ABCA13: variants seen among roughly 807,000 people sequenced by gnomAD.
ABCA13 encodes the protein ATP binding cassette subfamily A member 13.
A neutral mutation model predicts 478.7 loss-of-function variants in ABCA13; 476 were observed. The ratio of observed to expected loss-of-function variants is 0.99; its 90% CI spans 0.92 to 1.07. The LOEUF is 1.07. ABCA13 is among the 50% of genes least tolerant of loss of function. ABCA13 has a pLI of 0.00. For missense variants in ABCA13, 6,060 were observed against 5,910.6 expected (o/e 1.03, Z -0.83); for synonymous variants, 2,252 against 2,158.9 (o/e 1.04, Z -1.20).
At chr7:48,479,924 A>G (rs538693122) in intron 45 of ABCA13, among the ~76,000 whole-genome samples, 49 of 152,302 alleles carry the variant, frequency 3.2e-4, no homozygotes, top group Non-Finnish European at 5.4e-4. Flanking sequence ...CATTTTGCAA[A>G]TAAGCAGACA....
chr7:48,411,396 G>T (rs1047058211), intron 40 of ABCA13, among the ~76,000 whole-genome samples: 46 of 150,406 alleles, frequency 3.1e-4, no homozygotes, highest in African/African-American at 1.1e-3. Context: ...GCAACCTCCC[G>T]TTCCAGGTTC....
chr7:48,281,490 T>C (rs1414754873), intron 19 of ABCA13, 38 bp downstream of exon 19: 3 of 1,534,920 alleles, frequency 2.0e-6, no homozygotes, highest in Non-Finnish European at 2.7e-6. Context: ...GCAATTGCCC[T>C]GTGCCAGTTT....
chr7:48,193,352 T>C (rs2128896510), intron 2 of ABCA13, among the ~76,000 whole-genome samples: 1 of 152,186 alleles, frequency 6.6e-6, no homozygotes, highest in African/African-American at 2.4e-5. Flanking sequence ...GGAGAAGAAG[T>C]AGAAGTGGGA....
intron 58 of ABCA13, chr7:48,611,835 A>C (rs1792055550): frequency 6.6e-6 from 1 of 152,244 alleles, no homozygotes; most frequent in African/African-American, 2.4e-5. Context: ...GTGACTTAAC[A>C]TTCTACCTCT....
At chr7:48,597,020 T>C (rs187763680) in intron 58 of ABCA13, among the ~76,000 whole-genome samples, 88 of 151,522 alleles carry the variant, frequency 5.8e-4, no homozygotes, top group Middle Eastern at 3.4e-3. Flanking sequence ...GGCACGATCT[T>C]GGCTCACTGC....
rs1795456481 is a variant in ABCA13 at position 48,646,690 on chromosome 7, T to G, written c.*1178T>G. On this transcript the variant is annotated 3_prime_UTR_variant, in exon 62 of 62. Transcript: ENST00000435803. ...ACACATCGCCACACCCGGCTAATTT[T>G]TAGTATTTTTAGTAGAGACGGGGTT... 1 of 152,134 alleles carries G rather than the reference T, an allele frequency of 6.6e-6. No individual in the cohort carries two copies. The highest frequency in any genetic ancestry group is 1.5e-5 in the Non-Finnish European group (1 of 68,086). 9.4% of individuals were successfully genotyped at this position (152,134 alleles called of 1,614,324 possible).
intron 3 of ABCA13, among the ~76,000 whole-genome samples, chr7:48,216,314 G>A (rs1043698644): frequency 3.9e-5 from 6 of 152,078 alleles, no homozygotes; most frequent in African/African-American, 1.4e-4. Context: ...ATCCCATTGT[G>A]ATTTTGATTT....
intron 45 of ABCA13, among the ~76,000 whole-genome samples, chr7:48,472,807 G>T (rs900234769): frequency 1.3e-5 from 2 of 152,146 alleles, no homozygotes; most frequent in East Asian, 3.9e-4. Flanking sequence ...TAGTGTACAT[G>T]CAGGTCCTTA....
intron 41 of ABCA13, among the ~76,000 whole-genome samples, chr7:48,419,558 C>G (rs944293072): frequency 5.3e-5 from 8 of 152,064 alleles, no homozygotes; most frequent in African/African-American, 1.4e-4. Context: ...CATGCCTCTG[C>G]AATTTTTTAA....
At position 48,645,552 on chromosome 7, in the gene ABCA13, C is replaced by G; in HGVS notation, c.*40C>G. ...TCCATAAGGAATAAAACCTTGTCTT[C>G]CATTACAATTAACAGTCAAGGATAA... On this transcript the variant is annotated 3_prime_UTR_variant, in exon 62 of 62. Coordinates refer to ENST00000435803, the MANE Select transcript of ABCA13 (RefSeq NM_152701.5). 6.7e-7 allele frequency: 1 copy of G among 1,486,892 alleles called. No individual in the cohort carries two copies. The highest frequency in any genetic ancestry group is 9.2e-7 in the Non-Finnish European group (1 of 1,088,712). The allele number at this position is 1,486,892 out of a possible 1,614,324, so 92.1% of individuals were successfully genotyped here.
chr7:48,596,712 G>A (rs1790321024), intron 58 of ABCA13, among the ~76,000 whole-genome samples: 1 of 151,720 alleles, frequency 6.6e-6, no homozygotes, highest in African/African-American at 2.4e-5. Flanking sequence ...GCAGGAGAAT[G>A]TCATGAGACC....
chr7:48,409,709 C>T (rs1189960071), intron 39 of ABCA13, among the ~76,000 whole-genome samples: 3 of 152,094 alleles, frequency 2.0e-5, no homozygotes, highest in African/African-American at 7.2e-5. Flanking sequence ...TAACTCAGTG[C>T]TATGATTTTC....
At chr7:48,465,845 C>T (rs1444428029) in intron 43 of ABCA13, among the ~76,000 whole-genome samples, 1 of 151,922 alleles carries the variant, frequency 6.6e-6, no homozygotes, top group Non-Finnish European at 1.5e-5. Context: ...CCCTATTCTT[C>T]CCAGCTTCTG....
At chr7:48,528,484 C>T (rs1272666873) in intron 55 of ABCA13, 139 bp downstream of exon 55, 2 of 604,350 alleles carry the variant, frequency 3.3e-6, no homozygotes, top group Non-Finnish European at 5.4e-6. Context: ...TACCACTCCT[C>T]TGATGTGGGG....
chr7:48,486,605 C>G (rs1207977013), intron 47 of ABCA13, among the ~76,000 whole-genome samples: 3 of 152,300 alleles, frequency 2.0e-5, no homozygotes, highest in Non-Finnish European at 4.4e-5. Context: ...AGTAACACCC[C>G]ATTCCAGTGT....
rs761603294 is a variant in ABCA13, at chr7:48,427,885, G to A, written c.12565+14G>A. ...TGTCTGGCTACTGTAAGTACAGAAT[G>A]GCTTCCTGCATTTCTGCTGGAGGAA... On this transcript the variant is annotated intron_variant, in intron 42 of 61. Transcript: ENST00000435803. 6.6e-7 allele frequency: 1 copy of A among 1,521,956 alleles called. No homozygotes were observed. Among genetic ancestry groups the A allele is most frequent in the Non-Finnish European group, 8.9e-7 (1 of 1,118,820 alleles). 94.3% of individuals were successfully genotyped at this position (1,521,956 alleles called of 1,614,324 possible). A position where few individuals can be genotyped will look rare whatever the true frequency, so the allele number is the denominator to read the frequency against.
intron 31 of ABCA13, among the ~76,000 whole-genome samples, chr7:48,359,229 C>T (rs773018570): frequency 1.3e-5 from 2 of 151,916 alleles, no homozygotes; most frequent in Non-Finnish European, 2.9e-5. Context: ...TGGCAGCCCA[C>T]TCCATTCTTG....
chr7:48,278,051 AT>A (rs1796528727), intron 17 of ABCA13, 42 bp from the exon 18 acceptor site: 1 of 701,700 alleles, frequency 1.4e-6, no homozygotes, highest in South Asian at 7.4e-5. Context: ...CTGTTAATGT[AT>A]TAAAAATTAA....
At chr7:48,371,483 T>C (rs1216372648) in intron 32 of ABCA13, among the ~76,000 whole-genome samples, 3 of 152,064 alleles carry the variant, frequency 2.0e-5, no homozygotes, top group Non-Finnish European at 4.4e-5. Context: ...GTTCTCCTTG[T>C]AGAGGTCCTT....
Sources: allele counts gnomAD v4.1 joint callset (sites outside exome capture counted in the v4.1 genomes callset), GRCh38; gene constraint gnomAD v4.1.1; transcripts MANE v1.5; gene names NCBI Gene and HGNC (gene_info 2026-07-23, HGNC 2026-07-21).